Variants in IGF2BP1 observed in about 807,000 individuals in gnomAD.
The protein encoded by IGF2BP1 is insulin like growth factor 2 mRNA binding protein 1, also known as insulin-like growth factor 2 mRNA-binding protein 1.
Under a neutral mutation model 74.9 loss-of-function variants are expected in IGF2BP1, and 11 were observed. The observed-to-expected ratio is 0.15, with a 90% CI of 0.09 to 0.24. The LOEUF (loss-of-function observed/expected upper bound fraction) is 0.24, where lower values mean the gene tolerates loss of function less well. IGF2BP1 is among the 10% of genes least tolerant of loss of function. The pLI is 1.00. For missense variants in IGF2BP1, 440 were observed against 757.4 expected (o/e 0.58, Z 4.92); for synonymous variants, 287 against 281.8 (o/e 1.02, Z -0.18).
At chr17:49,029,253 A>G (rs2041893789) in intron 4 of IGF2BP1, among the ~76,000 whole-genome samples, 1 of 152,182 alleles carries the variant, frequency 6.6e-6, no homozygotes, top group Non-Finnish European at 1.5e-5. Context: ...TCACTGGAAG[A>G]TTGTTCTTGC....
At chr17:49,019,528 C>T (rs77667995) in intron 2 of IGF2BP1, among the ~76,000 whole-genome samples, 1 of 152,100 alleles carries the variant, frequency 6.6e-6, no homozygotes, top group East Asian at 1.9e-4. Context: ...AATGTAATAA[C>T]CCCTCTGTGT....
Position 49,042,377 on chromosome 17 carries a change from C to T in IGF2BP1, c.1077C>T (p.Ser359=), listed in dbSNP as rs61749927. The T allele has an allele frequency of 1.5e-5, 24 of 1,614,054 alleles. No homozygotes were observed. Among genetic ancestry groups the T allele is most frequent in the South Asian group, 4.4e-5 (4 of 91,060 alleles). ...ATGAGAATGATGTGGCTGCCATGAGCGTGAGTGCTGGGTAGTACCCTCTGC... is the reference window on the plus strand; with the variant it reads ...ATGAGAATGATGTGGCTGCCATGAGTGTGAGTGCTGGGTAGTACCCTCTGC... ...EAYENDVAAM[S]LQSHLIPGLN... The change falls in exon 9 of 15, where the codon AGC becomes AGT. Residue 359 remains serine, a splice_region_variant and synonymous_variant. Transcript: ENST00000290341.
intron 2 of IGF2BP1, among the ~76,000 whole-genome samples, chr17:49,024,083 A>AT (rs765273098): frequency 0.13 from 9,790 of 78,082 alleles, 2,290 homozygotes; most frequent in Non-Finnish European, 0.19. Flanking sequence ...CACCCTGCTA[A>AT]TTTTTTTTTT....
intron 4 of IGF2BP1, among the ~76,000 whole-genome samples, chr17:49,029,846 C>G (rs2041901821): frequency 6.7e-6 from 1 of 150,368 alleles, no homozygotes. Flanking sequence ...CCCTATGTTG[C>G]CAGGCTGGTC....
In IGF2BP1 at chr17:49,026,532, G is replaced by T. The variant is rs372601508; in HGVS notation, c.337+15G>T. The stretch of plus-strand genomic sequence containing the variant: ...CTGTGAGCAAGGTAAGAGTGGGCCG[G>T]GTGTGGGGTGGCACTCGTGGTGGGG... On this transcript the variant is annotated intron_variant, in intron 4 of 14. Transcript: ENST00000290341. The T allele has an allele frequency of 3.7e-6, 6 of 1,612,778 alleles. No homozygotes were observed. Among genetic ancestry groups the T allele is most frequent in the East Asian group, 4.5e-5 (2 of 44,860 alleles).
intron 6 of IGF2BP1, 101 bp downstream of exon 6, chr17:49,038,550 C>T (rs549833837): frequency 8.3e-7 from 1 of 1,210,584 alleles, no homozygotes; most frequent in South Asian, 2.3e-5. Flanking sequence ...CAACATTTAC[C>T]TTTTAGGAAA....
intron 5 of IGF2BP1, chr17:49,036,407 G>A (rs2041988348): frequency 6.6e-6 from 1 of 151,986 alleles, no homozygotes; most frequent in African/African-American, 2.4e-5. Flanking sequence ...GATTAGCATG[G>A]CCCCTGCGCG....
chr17:49,029,107 A>G (rs1055998136), intron 4 of IGF2BP1, among the ~76,000 whole-genome samples: 3 of 152,268 alleles, frequency 2.0e-5, no homozygotes, highest in Admixed American at 6.5e-5. Context: ...ACCTGGCCTC[A>G]TCTGATTTAT....
chr17:49,042,517 GAAATAGTATTT>G (rs1382599015), intron 9 of IGF2BP1, 140 bp downstream of exon 9: 2 of 860,800 alleles, frequency 2.3e-6, no homozygotes, highest in South Asian at 3.2e-5. Context: ...TCGACTATCA[GAAATAGTATTT>G]AAATAGTATT....
At chr17:49,024,446 G>A (rs1363622060) in intron 2 of IGF2BP1, among the ~76,000 whole-genome samples, 1 of 152,098 alleles carries the variant, frequency 6.6e-6, no homozygotes, top group Non-Finnish European at 1.5e-5. Flanking sequence ...ATGGAAAGAA[G>A]ACAGTACTGT....
Position 49,026,529 on chromosome 17 carries a change from C to T in IGF2BP1, c.337+12C>T, listed in dbSNP as rs777711376. The T allele has an allele frequency of 1.2e-6, 2 of 1,613,010 alleles. No homozygotes were observed. The highest frequency in any genetic ancestry group is 1.3e-5 in the African/African-American group (1 of 74,870). On this transcript the variant is annotated intron_variant, in intron 4 of 14. Coordinates refer to ENST00000290341, the MANE Select transcript of IGF2BP1 (RefSeq NM_006546.4). Reference sequence around the variant, plus strand: ...GAACTGTGAGCAAGGTAAGAGTGGGCCGGGTGTGGGGTGGCACTCGTGGTG... The same window carrying T: ...GAACTGTGAGCAAGGTAAGAGTGGGTCGGGTGTGGGGTGGCACTCGTGGTG...
At chr17:49,043,925 G>C in intron 10 of IGF2BP1, 42 bp from the exon 11 acceptor site, 1 of 1,607,188 alleles carries the variant, frequency 6.2e-7, no homozygotes, top group Non-Finnish European at 8.5e-7. Flanking sequence ...TCTGGGCCAT[G>C]CTACTTGGGC....
intron 12 of IGF2BP1, among the ~76,000 whole-genome samples, chr17:49,045,405 A>C (rs2042098733): frequency 6.6e-6 from 1 of 152,190 alleles, no homozygotes; most frequent in Non-Finnish European, 1.5e-5. Context: ...AGGTTCTTGA[A>C]CTTCTGATCA....
intron 2 of IGF2BP1, among the ~76,000 whole-genome samples, chr17:49,011,153 A>AC (rs1567811444): frequency 4.0e-5 from 6 of 149,706 alleles, no homozygotes; most frequent in Non-Finnish European, 7.4e-5. Flanking sequence ...AAAAAAAAAA[A>AC]AAAAAAAAAA....
At chr17:49,037,530 C>T (rs1039460935) in intron 5 of IGF2BP1, 4 of 193,156 alleles carry the variant, frequency 2.1e-5, no homozygotes, top group African/African-American at 9.4e-5. Flanking sequence ...TGTGTGTTTG[C>T]TTTATCCTAA....
intron 2 of IGF2BP1, among the ~76,000 whole-genome samples, chr17:49,004,101 C>T (rs1050935721): frequency 1.3e-5 from 2 of 152,152 alleles, no homozygotes; most frequent in African/African-American, 2.4e-5. Context: ...AATCTCGTCT[C>T]GCTCTGAGGT....
At chr17:49,012,493 T>G (rs2041632550) in intron 2 of IGF2BP1, 1 of 152,164 alleles carries the variant, frequency 6.6e-6, no homozygotes, top group African/African-American at 2.4e-5. Flanking sequence ...GGATGAGTGT[T>G]TTGAATTCTA....
intron 2 of IGF2BP1, among the ~76,000 whole-genome samples, chr17:49,006,825 C>T (rs1407606457): frequency 6.6e-6 from 1 of 152,198 alleles, no homozygotes; most frequent in Non-Finnish European, 1.5e-5. Flanking sequence ...CTCACCAGGG[C>T]AACCCCACAG....
At chr17:49,045,809 G>T in intron 12 of IGF2BP1, 81 bp from the exon 13 acceptor site, 1 of 1,488,750 alleles carries the variant, frequency 6.7e-7, no homozygotes. Context: ...AGAAAATATG[G>T]GCTGGAGCTT....
Sources: gnomAD v4.1 joint callset for allele counts (sites outside exome capture counted in the v4.1 genomes callset) on GRCh38, gnomAD v4.1.1 for gene constraint, MANE v1.5 for transcripts, NCBI Gene and HGNC (gene_info 2026-07-23, HGNC 2026-07-21) for gene names.